The following FOXP2 variants were observed in gnomAD, a reference collection of about 807,000 sequenced individuals.
FOXP2 encodes forkhead box protein P2.
In FOXP2, 12 loss-of-function variants were observed where a neutral mutation model predicts 115.8. That is an observed-to-expected ratio of 0.10 (90% CI 0.07 to 0.17). The LOEUF (loss-of-function observed/expected upper bound fraction) is 0.17. Ranked by LOEUF, FOXP2 falls within the 10% of genes least tolerant of loss-of-function variation. FOXP2 has a pLI of 1.00. For synonymous variants in FOXP2, 328 were observed against 297.7 expected, an observed-to-expected ratio of 1.10 and a Z score of -1.05; for missense variants, 629 against 843.5, an observed-to-expected ratio of 0.75 and a Z score of 3.15.
intron 1 of FOXP2, among the ~76,000 whole-genome samples, chr7:114,102,409 C>A (rs1000277282): frequency 6.6e-6 from 1 of 151,816 alleles, no homozygotes; most frequent in African/African-American, 2.4e-5. Flanking sequence ...GCTTTGTGGA[C>A]CATTGATCTC....
chr7:114,453,477 C>T (rs1378807919), intron 2 of FOXP2, among the ~76,000 whole-genome samples: 1 of 151,870 alleles, frequency 6.6e-6, no homozygotes, highest in East Asian at 1.9e-4. Flanking sequence ...TCTCCAAAAG[C>T]AAAATGATAT....
At chr7:114,534,832 C>A in intron 3 of FOXP2, 126 bp downstream of exon 3, 2 of 728,708 alleles carry the variant, frequency 2.7e-6, no homozygotes, top group Non-Finnish European at 4.8e-6. Flanking sequence ...AATTTTAATT[C>A]ATAAAGAGAA....
intron 2 of FOXP2, among the ~76,000 whole-genome samples, chr7:114,519,871 C>T (rs970392686): frequency 1.3e-5 from 2 of 152,002 alleles, no homozygotes; most frequent in Non-Finnish European, 2.9e-5. Flanking sequence ...TTTTAATTTC[C>T]AATTTTATCC....
intron 2 of FOXP2, among the ~76,000 whole-genome samples, chr7:114,511,718 A>G (rs530890308): frequency 6.6e-6 from 1 of 152,194 alleles, no homozygotes; most frequent in African/African-American, 2.4e-5. Context: ...GATATTCATT[A>G]TCCTTGATAT....
chr7:114,306,055 G>T (rs183302140), intron 2 of FOXP2, among the ~76,000 whole-genome samples: 1 of 152,022 alleles, frequency 6.6e-6, no homozygotes, highest in Admixed American at 6.6e-5. Context: ...ATCACTTTCT[G>T]TGCTACTCCT....
At chr7:114,222,340 G>A (rs1412391700) in intron 1 of FOXP2, among the ~76,000 whole-genome samples, 2 of 152,010 alleles carry the variant, frequency 1.3e-5, no homozygotes, top group Admixed American at 6.6e-5. Context: ...ATTTTTTGTA[G>A]AGTTTCACCA....
intron 3 of FOXP2, among the ~76,000 whole-genome samples, chr7:114,558,606 A>G (rs1054046814): frequency 1.3e-5 from 2 of 152,138 alleles, no homozygotes; most frequent in African/African-American, 2.4e-5. Context: ...AGACACCTTC[A>G]AGCCTTTATG....
Position 114,692,215 on chromosome 7 carries a change from T to C in FOXP2, c.*2289T>C. On this transcript the variant is annotated 3_prime_UTR_variant, in exon 17 of 17. Coordinates refer to ENST00000350908, the MANE Select transcript of FOXP2 (RefSeq NM_014491.4). ...AGGGACTGGAAGTAACTGCGAGAGTTGTACCATCAGAAGGGTGGCCTAAGA... is the reference window on the plus strand; with the variant it reads ...AGGGACTGGAAGTAACTGCGAGAGTCGTACCATCAGAAGGGTGGCCTAAGA... 2.2e-6 allele frequency: 1 copy of C among 453,966 alleles called. No homozygotes were observed. Among genetic ancestry groups the C allele is most frequent in the Non-Finnish European group, 4.4e-6 (1 of 226,712 alleles). The allele number at this position is 453,966 out of a possible 1,614,324, so 28.1% of individuals were successfully genotyped here. A position where few individuals can be genotyped will look rare whatever the true frequency, so the allele number is the denominator to read the frequency against.
intron 2 of FOXP2, among the ~76,000 whole-genome samples, chr7:114,438,103 A>G (rs549296900): frequency 6.6e-6 from 1 of 152,326 alleles, no homozygotes; most frequent in South Asian, 2.1e-4. Context: ...GTCTATTACA[A>G]CATTAGAAAT....
intron 7 of FOXP2, among the ~76,000 whole-genome samples, 189 bp downstream of exon 7, chr7:114,642,812 A>ATATATATATATATATTTT (rs1308357594): frequency 1.4e-5 from 1 of 72,440 alleles, no homozygotes; most frequent in Non-Finnish European, 2.3e-5. Context: ...ATATATATAT[A>ATATATATATATATATTTT]TTTTTTTTTT....
intron 2 of FOXP2, among the ~76,000 whole-genome samples, chr7:114,449,140 T>C (rs1284201557): frequency 6.6e-6 from 1 of 152,082 alleles, no homozygotes; most frequent in Non-Finnish European, 1.5e-5. Context: ...TTTAGAACTA[T>C]ATATATGTGT....
At chr7:114,536,416 T>TG (rs1460675502) in intron 3 of FOXP2, among the ~76,000 whole-genome samples, 19 of 128,904 alleles carry the variant, frequency 1.5e-4, no homozygotes, top group Admixed American at 3.0e-4. Context: ...TTTTTTTTTT[T>TG]TTGTTGTTGT....
intron 3 of FOXP2, among the ~76,000 whole-genome samples, chr7:114,539,639 A>C (rs1799561228): frequency 6.6e-6 from 1 of 152,084 alleles, no homozygotes; most frequent in Non-Finnish European, 1.5e-5. Flanking sequence ...CATTCCAGTG[A>C]AGAACATTTC....
intron 3 of FOXP2, among the ~76,000 whole-genome samples, chr7:114,587,984 T>A (rs182374470): frequency 0.011 from 1,633 of 150,604 alleles, 12 homozygotes; most frequent in Non-Finnish European, 0.018. Context: ...AACCACCTAG[T>A]CTCAGCCCTA....
At chr7:114,508,566 A>G (rs552538440) in intron 2 of FOXP2, among the ~76,000 whole-genome samples, 110 of 152,162 alleles carry the variant, frequency 7.2e-4, no homozygotes, top group Middle Eastern at 3.4e-3. Context: ...AGGGATACCA[A>G]TTAAGGAGAA....
chr7:114,209,578 CA>C (rs1330732202), intron 1 of FOXP2, among the ~76,000 whole-genome samples: 3 of 152,108 alleles, frequency 2.0e-5, no homozygotes, highest in Admixed American at 1.3e-4. Context: ...CTGCCCGTAA[CA>C]TTTTTTCTTT....
intron 1 of FOXP2, among the ~76,000 whole-genome samples, chr7:114,242,182 A>G (rs1795173536): frequency 1.3e-5 from 2 of 151,872 alleles, no homozygotes; most frequent in South Asian, 2.1e-4. Flanking sequence ...TTTGAAAAAT[A>G]CAGCCTATAG....
chr7:114,438,379 C>A (rs1794446489), intron 2 of FOXP2, among the ~76,000 whole-genome samples: 2 of 152,116 alleles, frequency 1.3e-5, no homozygotes, highest in South Asian at 4.1e-4. Flanking sequence ...ATACACATCA[C>A]CCATCAGGTG....
chr7:114,635,963 A>C (rs1195896260), intron 6 of FOXP2, among the ~76,000 whole-genome samples: 1 of 152,196 alleles, frequency 6.6e-6, no homozygotes, highest in Non-Finnish European at 1.5e-5. Flanking sequence ...TCTTTGGAGA[A>C]GATAATTTAT....
Sources: gnomAD v4.1 joint callset for allele counts (sites outside exome capture counted in the v4.1 genomes callset) on GRCh38, gnomAD v4.1.1 for gene constraint, MANE v1.5 for transcripts, NCBI Gene and HGNC (gene_info 2026-07-23, HGNC 2026-07-21) for gene names.